MAST3: variants seen among roughly 807,000 people sequenced by gnomAD.
MAST3 encodes the protein microtubule associated serine/threonine kinase 3.
MAST3 carries 43 observed loss-of-function variants against 127.0 expected under a neutral mutation model. That is an observed-to-expected ratio of 0.34 (90% CI 0.27 to 0.44). The LOEUF (loss-of-function observed/expected upper bound fraction) is 0.44, where lower values mean the gene tolerates loss of function less well. Among genes scored for constraint, MAST3 ranks in the 20% least tolerant of loss-of-function variants. The pLI is 1.00. For missense variants in MAST3, 1,390 were observed against 1,919.1 expected, an observed-to-expected ratio of 0.72 and a Z score of 5.15; for synonymous variants, 785 against 809.2, an observed-to-expected ratio of 0.97 and a Z score of 0.51.
Position 18,141,274 on chromosome 19 carries a change from G to A in MAST3, c.2206-608G>A, listed in dbSNP as rs574243511. ...CTCAGTTTTTCCATCTGTACAATGG[G>A]CTAAAGTCTATGCTCTTTTAGGGAT... On this transcript the variant is annotated intron_variant, in intron 20 of 27. Transcript: ENST00000687212. Among the ~76,000 whole-genome samples, 97 of 152,068 alleles carry A rather than the reference G, an allele frequency of 6.4e-4. 1 individual carries two copies. The highest frequency in any genetic ancestry group is 2.2e-3 in the African/African-American group (92 of 41,462).
chr19:18,149,266 G>T lies in MAST3; in HGVS notation c.3584G>T (p.Arg1195Leu). Residue 1195 changes from arginine to leucine, a missense_variant, in exon 28 of 28, where the codon CGC becomes CTC. Arg to Leu is a moderately radical substitution (Grantham distance 102). This residue lies in a region of MAST3 where 816 missense variants were observed against 934.1 expected (regional missense o/e 0.87). Coordinates refer to ENST00000687212, the MANE Select transcript of MAST3 (RefSeq NM_001393504.1). This position sits in a 1 kb window ranked among gnomAD's most constrained non-coding sequence, Gnocchi z 5.9. Reference protein sequence around the residue: ...PASPAAAGHTRPSSLHGLAAK... With the variant: ...PASPAAAGHTLPSSLHGLAAK... ...TCCCCAGCTGCTGCTGGCCACACCC[G>T]CCCCAGCTCCCTGCACGGCCTGGCT... The T allele has an allele frequency of 2.1e-6, 3 of 1,442,434 alleles. No homozygotes were observed. The highest frequency in any genetic ancestry group is 2.6e-4 in the Middle Eastern group (1 of 3,918). 89.4% of individuals were successfully genotyped at this position (1,442,434 alleles called of 1,614,324 possible). A position where few individuals can be genotyped will look rare whatever the true frequency, so the allele number is the denominator to read the frequency against.
chr19:18,114,813 GCCTCAAATCC>G, intron 3 of MAST3, among the ~76,000 whole-genome samples: 1 of 152,150 alleles, frequency 6.6e-6, no homozygotes, highest in African/African-American at 2.4e-5. Flanking sequence ...TCCTTCTGGA[GCCTCAAATCC>G]CAAGGGCAGG....
intron 19 of MAST3, among the ~76,000 whole-genome samples, chr19:18,138,378 G>A (rs531134925): frequency 1.3e-5 from 2 of 151,766 alleles, no homozygotes; most frequent in South Asian, 4.2e-4. Context: ...GTGCAGTGGC[G>A]CGATCTCGGC....
chr19:18,113,081 A>G (rs983359568), intron 3 of MAST3, among the ~76,000 whole-genome samples: 3 of 152,118 alleles, frequency 2.0e-5, no homozygotes, highest in African/African-American at 7.2e-5. Flanking sequence ...GCCGCTGAGC[A>G]GATTTGACCA....
Position 18,128,422 on chromosome 19 carries a change from C to T in MAST3, c.1101C>T (p.Leu367=), listed in dbSNP as rs770269875. 15 of 1,556,052 alleles carry T rather than the reference C, an allele frequency of 9.6e-6. No homozygotes were observed. Among genetic ancestry groups the T allele is most frequent in the East Asian group, 2.4e-5 (1 of 41,246 alleles). ...CAGAGATGGTGCCACTGAGTCACCT[C>T]GAAGAAGAACAGCCCCCAGCACCTG... ...PLEEMVPLSH[L]EEEQPPAPES... Residue 367 remains leucine, a synonymous_variant, in exon 12 of 28, where the codon CTC becomes CTT. Coordinates refer to ENST00000687212, the MANE Select transcript of MAST3 (RefSeq NM_001393504.1).
intron 1 of MAST3, among the ~76,000 whole-genome samples, chr19:18,099,941 A>G (rs894138385): frequency 6.6e-6 from 1 of 152,048 alleles, no homozygotes; most frequent in Admixed American, 6.6e-5. Flanking sequence ...GCAGGAGAGG[A>G]CATGCCCATA....
chr19:18,106,200 A>G (rs112054848), intron 1 of MAST3, among the ~76,000 whole-genome samples: 33,554 of 151,892 alleles, frequency 0.22, 3,740 homozygotes, highest in Non-Finnish European at 0.25. Flanking sequence ...CAATCCTCCC[A>G]CCTCAGTCTC....
Position 18,112,329 on chromosome 19 carries a change from TTTTG to T in MAST3, c.161+1609_161+1612del, listed in dbSNP as rs559171436. On this transcript the variant is annotated intron_variant, in intron 3 of 27. Transcript: ENST00000687212. This position sits in a 1 kb window ranked among gnomAD's most constrained non-coding sequence, Gnocchi z 4.1. ...GGCGTGCCACCACGCCCGGCTAATTTTTTGTTTGTTTGTTTGTTTGTTTGAGAAG... is the reference window on the plus strand; with the variant it reads ...GGCGTGCCACCACGCCCGGCTAATTTTTTGTTTGTTTGTTTGTTTGAGAAG... Among the ~76,000 whole-genome samples the T allele has an allele frequency of 5.3e-5, 8 of 151,974 alleles. No individual in the cohort carries two copies. The highest frequency in any genetic ancestry group is 2.1e-4 in the South Asian group (1 of 4,808).
At position 18,144,559 on chromosome 19, in the gene MAST3, G is replaced by A. The variant is rs771741539; in HGVS notation, c.2678G>A (p.Arg893His). The change falls in exon 23 of 28, where the codon CGC (arginine) becomes CAC (histidine). Residue 893 changes from arginine (R) to histidine (H), a missense_variant. Physicochemically the swap from Arg to His is conservative, Grantham distance 29. This residue lies in a region of MAST3 where 816 missense variants were observed against 934.1 expected (regional missense o/e 0.87). Transcript: ENST00000687212. This position sits in a 1 kb window ranked among gnomAD's most constrained non-coding sequence, Gnocchi z 4.0. ...TPRPLDAGRG[R>H]RLGGPRDPAP... The stretch of plus-strand genomic sequence containing the variant: ...AGGCCTCTGGATGCCGGCCGGGGCC[G>A]CCGCCTTGGGGGCCCAAGAGACCCA... The A allele has an allele frequency of 1.7e-5, 28 of 1,609,416 alleles. No homozygotes were observed. The highest frequency in any genetic ancestry group is 4.5e-5 in the East Asian group (2 of 44,862).
intron 1 of MAST3, among the ~76,000 whole-genome samples, chr19:18,098,247 A>G (rs1003565133): frequency 6.6e-6 from 1 of 152,020 alleles, no homozygotes; most frequent in African/African-American, 2.4e-5. Context: ...ACCACTGTAC[A>G]CCCTCAGCTC....
chr19:18,128,571 C>G, intron 12 of MAST3, 113 bp downstream of exon 12: 2 of 1,159,654 alleles, frequency 1.7e-6, no homozygotes, highest in Non-Finnish European at 1.2e-6. Flanking sequence ...TAATTAGCAT[C>G]GGTGACTTTG....
chr19:18,127,149 C>T (rs1209779115), intron 11 of MAST3, among the ~76,000 whole-genome samples: 2 of 151,946 alleles, frequency 1.3e-5, no homozygotes, highest in East Asian at 3.9e-4. Flanking sequence ...ACTTGAGAGG[C>T]TGAGGTGGGA....
In MAST3 at chr19:18,130,710, C is replaced by T. The variant is rs372563360; in HGVS notation, c.1432+8C>T. ...TCATGGAATACGTGGAAGGTACGCTCACTGGGGCTTGCATGCCTCCAGCGA... is the reference window on the plus strand; with the variant it reads ...TCATGGAATACGTGGAAGGTACGCTTACTGGGGCTTGCATGCCTCCAGCGA... On this transcript the variant is annotated splice_region_variant and intron_variant, in intron 14 of 27. Coordinates refer to ENST00000687212, the MANE Select transcript of MAST3 (RefSeq NM_001393504.1). The T allele has an allele frequency of 7.8e-5, 126 of 1,611,814 alleles. No homozygotes were observed. Among genetic ancestry groups the T allele is most frequent in the Middle Eastern group, 1.6e-4 (1 of 6,084 alleles).
chr19:18,135,884 G>T, intron 18 of MAST3, 43 bp downstream of exon 18: 1 of 1,484,830 alleles, frequency 6.7e-7, no homozygotes, highest in East Asian at 2.4e-5. Flanking sequence ...GCTCCTTCAG[G>T]CCCTGGGACC....
chr19:18,135,707 C>G, intron 17 of MAST3, 33 bp from the exon 18 acceptor site: 1 of 1,522,846 alleles, frequency 6.6e-7, no homozygotes, highest in Non-Finnish European at 9.0e-7. Flanking sequence ...CTTCTCCCTC[C>G]CTCCCTCATT....
chr19:18,130,994 AG>A (rs1197790564), intron 14 of MAST3, among the ~76,000 whole-genome samples: 1 of 152,226 alleles, frequency 6.6e-6, no homozygotes, highest in African/African-American at 2.4e-5. Flanking sequence ...AAGTGAAGGC[AG>A]GGAGATGTAT....
chr19:18,105,536 T>TA (rs35808767), intron 1 of MAST3, among the ~76,000 whole-genome samples: 53,949 of 129,394 alleles, frequency 0.42, 10,967 homozygotes, highest in Admixed American at 0.53. Context: ...CTGTCTCTTC[T>TA]AAAAAAAAAA....
intron 19 of MAST3, among the ~76,000 whole-genome samples, chr19:18,138,248 A>G (rs933661438): frequency 2.7e-5 from 4 of 149,178 alleles, no homozygotes; most frequent in African/African-American, 9.8e-5. Context: ...ATTTTACCTA[A>G]TTCTGTGTGA....
chr19:18,147,422 C>T (rs1173992739), intron 26 of MAST3, 21 bp from the exon 27 acceptor site: 1 of 1,611,764 alleles, frequency 6.2e-7, no homozygotes, highest in Admixed American at 1.7e-5. Flanking sequence ...GGTTCTGAAG[C>T]CTCCGGTTTT....
Sources: gnomAD v4.1 joint callset for allele counts (sites outside exome capture counted in the v4.1 genomes callset) on GRCh38, gnomAD v4.1.1 for gene constraint, gnomAD v4.1.1 regional missense constraint, Gnocchi (gnomAD v3.1) non-coding constraint, MANE v1.5 for transcripts, NCBI Gene and HGNC (gene_info 2026-07-23, HGNC 2026-07-21) for gene names.